Variants in USH2A observed in about 807,000 individuals in gnomAD.
USH2A encodes Usher syndrome 2A (autosomal recessive, mild).
Under a neutral mutation model 538.9 loss-of-function variants are expected in USH2A, and 443 were observed. The ratio of observed to expected loss-of-function variants is 0.82; its 90% CI spans 0.76 to 0.89. USH2A has a LOEUF of 0.89. USH2A is among the 40% of genes least tolerant of loss of function. The pLI is 0.00. For synonymous variants in USH2A, 2,413 were observed against 2,273.5 expected (o/e 1.06, Z -1.75); for missense variants, 6,633 against 6,324.8 (o/e 1.05, Z -1.65).
At chr1:216,184,849 T>A (rs2034566931) in intron 20 of USH2A, among the ~76,000 whole-genome samples, 1 of 152,110 alleles carries the variant, frequency 6.6e-6, no homozygotes, top group South Asian at 2.1e-4. Flanking sequence ...CTATACATTT[T>A]ACTTTGCATT....
chr1:215,705,416 G>A (rs1659156778), intron 61 of USH2A, among the ~76,000 whole-genome samples: 1 of 152,210 alleles, frequency 6.6e-6, no homozygotes, highest in South Asian at 2.1e-4. Flanking sequence ...ACGGTGCACA[G>A]AACTCAAGTG....
chr1:216,028,335 C>A (rs1253769036), intron 32 of USH2A, among the ~76,000 whole-genome samples: 1 of 151,838 alleles, frequency 6.6e-6, no homozygotes, highest in East Asian at 1.9e-4. Flanking sequence ...TGCAGTGAGC[C>A]AAAATCATTC....
intron 37 of USH2A, among the ~76,000 whole-genome samples, chr1:215,959,686 T>C (rs1430235594): frequency 2.0e-5 from 3 of 152,128 alleles, no homozygotes; most frequent in African/African-American, 7.2e-5. Flanking sequence ...ATATCTCTCT[T>C]TTTCAAATAA....
At chr1:216,258,997 T>C (rs1002096336) in intron 11 of USH2A, among the ~76,000 whole-genome samples, 3 of 152,030 alleles carry the variant, frequency 2.0e-5, no homozygotes, top group Non-Finnish European at 4.4e-5. Flanking sequence ...AACATAGAGC[T>C]CCAAAGAAGT....
At chr1:215,830,214 A>C (rs1020371423) in intron 47 of USH2A, among the ~76,000 whole-genome samples, 1 of 152,130 alleles carries the variant, frequency 6.6e-6, no homozygotes, top group Non-Finnish European at 1.5e-5. Flanking sequence ...TTCCGGCTAG[A>C]GTATCTAGAA....
At chr1:215,698,000 C>G (rs1658874112) in intron 61 of USH2A, among the ~76,000 whole-genome samples, 1 of 152,078 alleles carries the variant, frequency 6.6e-6, no homozygotes, top group African/African-American at 2.4e-5. Flanking sequence ...CTGACAGGCC[C>G]CAGTGTGTGA....
intron 47 of USH2A, among the ~76,000 whole-genome samples, chr1:215,828,134 C>T (rs1663206746): frequency 6.6e-6 from 1 of 152,018 alleles, no homozygotes; most frequent in Admixed American, 6.6e-5. Flanking sequence ...CATACTTAAC[C>T]CCACATTAAG....
At chr1:215,800,120 G>T (rs1052589711) in intron 49 of USH2A, among the ~76,000 whole-genome samples, 1 of 152,020 alleles carries the variant, frequency 6.6e-6, no homozygotes, top group African/African-American at 2.4e-5. Context: ...CAACTCTAAA[G>T]GACAGAAGAT....
At chr1:215,884,124 G>C (rs145633257) in intron 41 of USH2A, among the ~76,000 whole-genome samples, 5 of 152,040 alleles carry the variant, frequency 3.3e-5, no homozygotes, top group African/African-American at 1.2e-4. Context: ...TGCATGCAGG[G>C]CTTAAAACCT....
At chr1:216,344,409 A>G (rs1448945930) in intron 4 of USH2A, among the ~76,000 whole-genome samples, 8 of 152,262 alleles carry the variant, frequency 5.3e-5, no homozygotes, top group East Asian at 1.9e-4. Context: ...GTATGGTCAC[A>G]CAAACCACCT....
chr1:215,746,692 T>C (rs1477371131), intron 58 of USH2A, among the ~76,000 whole-genome samples: 1 of 152,218 alleles, frequency 6.6e-6, no homozygotes, highest in Non-Finnish European at 1.5e-5. Context: ...TGATATTTAG[T>C]TTGGTGACGT....
chr1:215,709,645 T>TAAAAAAAAA (rs5780846), intron 61 of USH2A, among the ~76,000 whole-genome samples: 1 of 127,034 alleles, frequency 7.9e-6, no homozygotes, highest in Admixed American at 7.9e-5. Flanking sequence ...AGATAATTTG[T>TAAAAAAAAA]AAAAAAAAAA....
rs1666867325 is a variant in USH2A, at chr1:215,949,763, C to T, written c.7121-14968G>A. On this transcript the variant is annotated intron_variant, in intron 37 of 71. Transcript: ENST00000307340. ...AAAATCTGAAGTACTACATCATAAA[C>T]CTCATAAAAAGACCAAAAAGATAAA... Among the ~76,000 whole-genome samples the T allele has an allele frequency of 2.0e-5, 3 of 151,976 alleles. No homozygotes were observed. The South Asian group carries it at 6.2e-4, about 32-fold the overall frequency.
intron 21 of USH2A, among the ~76,000 whole-genome samples, chr1:216,158,400 A>G (rs2033991801): frequency 6.6e-6 from 1 of 151,770 alleles, no homozygotes; most frequent in South Asian, 2.1e-4. Flanking sequence ...TGCCCAGCTA[A>G]TTTTTCAGCT....
rs1409274327 is a variant in USH2A at position 215,623,386 on chromosome 1, A to C, written c.*2395T>G. 1 of 152,130 alleles carries C rather than the reference A, an allele frequency of 6.6e-6. No homozygotes were observed. The allele number at this position is 152,130 out of a possible 1,614,324, so 9.4% of individuals were successfully genotyped here. Reference sequence around the variant, plus strand: ...GTACATGATTTCTTCCAGATTGTGGAACATCAGTGGGTCTCAACATTAGAA... The same window carrying C: ...GTACATGATTTCTTCCAGATTGTGGCACATCAGTGGGTCTCAACATTAGAA... On this transcript the variant is annotated 3_prime_UTR_variant, in exon 72 of 72. Transcript: ENST00000307340.
At chr1:215,974,890 T>C (rs977452897) in intron 35 of USH2A, among the ~76,000 whole-genome samples, 5 of 152,188 alleles carry the variant, frequency 3.3e-5, no homozygotes, top group African/African-American at 1.2e-4. Context: ...TGGTTCTGTT[T>C]TAAGTTCTTT....
chr1:216,183,661 C>T (rs978937208), intron 20 of USH2A, among the ~76,000 whole-genome samples: 1 of 152,064 alleles, frequency 6.6e-6, no homozygotes, highest in Middle Eastern at 3.4e-3. Context: ...TTAAACCCTG[C>T]TAATTCATCC....
chr1:216,237,108 G>T (rs1158772076), intron 13 of USH2A, among the ~76,000 whole-genome samples: 1 of 152,056 alleles, frequency 6.6e-6, no homozygotes, highest in East Asian at 1.9e-4. Context: ...TGTCTCCTGT[G>T]CCATTCCAAC....
At chr1:215,894,597 A>G (rs1665279658) in intron 40 of USH2A, among the ~76,000 whole-genome samples, 1 of 152,124 alleles carries the variant, frequency 6.6e-6, no homozygotes. Context: ...CGAATAGCAC[A>G]TGATTTGGGG....
Sources: allele counts gnomAD v4.1 joint callset (sites outside exome capture counted in the v4.1 genomes callset), GRCh38; gene constraint gnomAD v4.1.1; transcripts MANE v1.5; gene names NCBI Gene and HGNC (gene_info 2026-07-23, HGNC 2026-07-21).